The following CUX2 variants were observed in gnomAD, a reference collection of about 807,000 sequenced individuals.
The protein encoded by CUX2 is cut like homeobox 2.
CUX2 carries 40 observed loss-of-function variants against 144.8 expected under a neutral mutation model. The observed-to-expected ratio is 0.28, with a 90% confidence interval of 0.21 to 0.36. CUX2 has a LOEUF of 0.36. Ranked by LOEUF, CUX2 falls within the 10% of genes least tolerant of loss-of-function variation. CUX2 has a pLI of 1.00. For synonymous variants in CUX2, 827 were observed against 875.6 expected, an observed-to-expected ratio of 0.94 and a Z score of 0.98; for missense variants, 1,615 against 1,994.0, an observed-to-expected ratio of 0.81 and a Z score of 3.62.
At chr12:111,047,064 GAA>G (rs909944633) in intron 1 of CUX2, among the ~76,000 whole-genome samples, 1 of 152,234 alleles carries the variant, frequency 6.6e-6, no homozygotes, top group Non-Finnish European at 1.5e-5. Flanking sequence ...GAAGGTGAGA[GAA>G]AGCTCCCGGT....
intron 4 of CUX2, among the ~76,000 whole-genome samples, chr12:111,280,606 C>T (rs771116536): frequency 8.5e-5 from 13 of 152,192 alleles, no homozygotes; most frequent in East Asian, 1.9e-4. Flanking sequence ...ATCAAGATGT[C>T]GGCAGAGTTA....
At chr12:111,131,180 G>A (rs752325749) in intron 1 of CUX2, among the ~76,000 whole-genome samples, 1 of 152,154 alleles carries the variant, frequency 6.6e-6, no homozygotes, top group Non-Finnish European at 1.5e-5. Context: ...GAGGCAAAAG[G>A]CACTTCTTAC....
At chr12:111,173,808 G>A (rs1480595347) in intron 1 of CUX2, among the ~76,000 whole-genome samples, 1 of 152,216 alleles carries the variant, frequency 6.6e-6, no homozygotes. Flanking sequence ...TTCTGATTCA[G>A]TAGGTCTGGA....
At chr12:111,156,831 G>T (rs1490374892) in intron 1 of CUX2, among the ~76,000 whole-genome samples, 1 of 151,864 alleles carries the variant, frequency 6.6e-6, no homozygotes, top group African/African-American at 2.4e-5. Flanking sequence ...TACAAAATTA[G>T]CCAGGAGTGG....
intron 1 of CUX2, among the ~76,000 whole-genome samples, chr12:111,144,533 G>T (rs928841825): frequency 6.6e-6 from 1 of 152,134 alleles, no homozygotes; most frequent in Non-Finnish European, 1.5e-5. Flanking sequence ...GTTTGTGGGG[G>T]GCTTCTCCTT....
At chr12:111,214,662 GGAA>G (rs1359371124) in intron 2 of CUX2, among the ~76,000 whole-genome samples, 8 of 152,130 alleles carry the variant, frequency 5.3e-5, no homozygotes, top group Non-Finnish European at 8.8e-5. Context: ...GTTGGCGTCT[GGAA>G]GAAGACAGCC....
At chr12:111,250,447 T>G (rs1251411157) in intron 3 of CUX2, among the ~76,000 whole-genome samples, 1 of 152,180 alleles carries the variant, frequency 6.6e-6, no homozygotes, top group African/African-American at 2.4e-5. Flanking sequence ...CTGGGAGCGT[T>G]TGGAGGCTCA....
At position 111,190,814 on chromosome 12, in the gene CUX2, T is replaced by A. The variant is rs1592820945; in HGVS notation, c.64-23386T>A. Among the ~76,000 whole-genome samples, 1 of 152,196 alleles carries A rather than the reference T, an allele frequency of 6.6e-6. No individual in the cohort carries two copies. Among genetic ancestry groups the A allele is most frequent in the East Asian group, 1.9e-4 (1 of 5,192 alleles). ...GGTCTGCTGCTACCCCAAAGCTGAATGCCCCGGCTTTTAATCTGTGTGCGT... is the reference window on the plus strand; with the variant it reads ...GGTCTGCTGCTACCCCAAAGCTGAAAGCCCCGGCTTTTAATCTGTGTGCGT... On this transcript the variant is annotated intron_variant, in intron 1 of 21. Transcript: ENST00000261726. The surrounding 1 kb of genome is among the most constrained non-coding windows in gnomAD (Gnocchi z 4.0).
Position 111,345,107 on chromosome 12 carries a change from T to G in CUX2, c.3660-2417T>G, listed in dbSNP as rs1348171154. Among the ~76,000 whole-genome samples, 4 of 151,948 alleles carry G rather than the reference T, an allele frequency of 2.6e-5. No individual in the cohort carries two copies. The East Asian group carries it at 7.8e-4, about 29-fold the overall frequency. Reference sequence around the variant, plus strand: ...TTTTAAAAAATGTTTTTTGATCCATTTTAAAGGATTTGCCATTTTTTAAAA... The same window carrying G: ...TTTTAAAAAATGTTTTTTGATCCATGTTAAAGGATTTGCCATTTTTTAAAA... On this transcript the variant is annotated intron_variant, in intron 21 of 21. Coordinates refer to ENST00000261726, the MANE Select transcript of CUX2 (RefSeq NM_015267.4).
At chr12:111,302,492 G>A (rs1347637452) in intron 9 of CUX2, among the ~76,000 whole-genome samples, 2 of 152,112 alleles carry the variant, frequency 1.3e-5, no homozygotes, top group Non-Finnish European at 2.9e-5. Flanking sequence ...GCCTAAGATC[G>A]CATAACCGGA....
At chr12:111,206,994 A>G (rs552781679) in intron 1 of CUX2, among the ~76,000 whole-genome samples, 1 of 152,290 alleles carries the variant, frequency 6.6e-6, no homozygotes, top group Admixed American at 6.5e-5. Flanking sequence ...GTATGTCTGG[A>G]TGAATGGATA....
intron 4 of CUX2, among the ~76,000 whole-genome samples, chr12:111,276,498 C>T (rs1884877351): frequency 6.6e-6 from 1 of 152,148 alleles, no homozygotes; most frequent in African/African-American, 2.4e-5. Context: ...GGTGGAAAGG[C>T]CTGGGTTCAA....
chr12:111,088,720 G>A (rs1333744695), intron 1 of CUX2, among the ~76,000 whole-genome samples: 1 of 152,166 alleles, frequency 6.6e-6, no homozygotes, highest in Non-Finnish European at 1.5e-5. Flanking sequence ...CGCAGACCTG[G>A]GAGTGTCAGG....
rs60557843 is a variant in CUX2, at chr12:111,239,040, G to A, written c.222+21103G>A. 1.2e-3 allele frequency among the ~76,000 whole-genome samples: 177 copies of A among 152,198 alleles called. 1 individual carries two copies. In the East Asian group the frequency reaches 0.014, roughly 12 times the overall value. On this transcript the variant is annotated intron_variant, in intron 3 of 21. Coordinates refer to ENST00000261726, the MANE Select transcript of CUX2 (RefSeq NM_015267.4). ...AGTGTGAGTGACAGAGCAAGATTCC[G>A]TCTCTAAATAGATAAATAAATAAAT... is the stretch of plus-strand genomic sequence containing the variant.
In CUX2 at chr12:111,263,979, G is replaced by GGGA; in HGVS notation, c.301+142_301+144dup. 1 of 737,664 alleles carries GGGA rather than the reference G, an allele frequency of 1.4e-6. No individual in the cohort carries two copies. Among genetic ancestry groups the GGGA allele is most frequent in the Non-Finnish European group, 2.3e-6 (1 of 429,702 alleles). The allele number at this position is 737,664 out of a possible 1,614,324, so 45.7% of individuals were successfully genotyped here. A position where few individuals can be genotyped will look rare whatever the true frequency, so the allele number is the denominator to read the frequency against. On this transcript the variant is annotated intron_variant, in intron 4 of 21. Transcript: ENST00000261726. This position sits in a 1 kb window ranked among gnomAD's most constrained non-coding sequence, Gnocchi z 4.0. Reference sequence around the variant, plus strand: ...GGCCAGGCACTCTGTATAGGGCAGGGGGAGCTGTGGCCAGTCTGGTGTGAC... The same window carrying GGGA: ...GGCCAGGCACTCTGTATAGGGCAGGGGGAGGAGCTGTGGCCAGTCTGGTGTGAC...
At chr12:111,170,330 G>A (rs1878434492) in intron 1 of CUX2, among the ~76,000 whole-genome samples, 1 of 152,018 alleles carries the variant, frequency 6.6e-6, no homozygotes, top group Admixed American at 6.5e-5. Flanking sequence ...TCGGGAAGTT[G>A]AGGCAGGAGA....
chr12:111,101,936 T>A (rs1448306969), intron 1 of CUX2, among the ~76,000 whole-genome samples: 1 of 152,242 alleles, frequency 6.6e-6, no homozygotes, highest in African/African-American at 2.4e-5. Flanking sequence ...AGAGTTAAAT[T>A]TCTTACTTTA....
chr12:111,214,742 C>A (rs1881437483), intron 2 of CUX2, among the ~76,000 whole-genome samples: 2 of 152,238 alleles, frequency 1.3e-5, no homozygotes, highest in East Asian at 1.9e-4. Flanking sequence ...GCCTCTCACC[C>A]CCTTTACGTT....
intron 3 of CUX2, among the ~76,000 whole-genome samples, chr12:111,243,496 C>CTTTTTTTTTTTT (rs761276935): frequency 6.2e-5 from 5 of 80,020 alleles, no homozygotes; most frequent in African/African-American, 1.2e-4. Flanking sequence ...GTTGATGTGC[C>CTTTTTTTTTTTT]TTTTTTTTTT....
Sources: allele counts gnomAD v4.1 joint callset (sites outside exome capture counted in the v4.1 genomes callset), GRCh38; gene constraint gnomAD v4.1.1; non-coding constraint Gnocchi (gnomAD v3.1); transcripts MANE v1.5; gene names NCBI Gene and HGNC (gene_info 2026-07-23, HGNC 2026-07-21).